OTOG: variants seen among roughly 807,000 people sequenced by gnomAD.
OTOG encodes the protein otogelin.
In OTOG, 296 loss-of-function variants were observed where a neutral mutation model predicts 313.8. The observed-to-expected ratio is 0.94, with a 90% CI of 0.86 to 1.04. OTOG has a LOEUF of 1.04. Among genes scored for constraint, OTOG ranks in the 50% least tolerant of loss-of-function variants. The probability of loss-of-function intolerance (pLI) is 0.00; values close to 1 mark genes in which losing one functional copy is unlikely to be tolerated. For missense variants in OTOG, 3,948 were observed against 3,840.1 expected, an observed-to-expected ratio of 1.03 and a Z score of -0.74; for synonymous variants, 1,533 against 1,554.9, an observed-to-expected ratio of 0.99 and a Z score of 0.33.
In OTOG at chr11:17,640,805, G is replaced by A. The variant is rs767800676; in HGVS notation, c.7996G>A (p.Ala2666Thr). Residue 2666 changes from alanine to threonine, a missense_variant, in exon 50 of 56, where the codon GCC becomes ACC. Transcript: ENST00000399397. ...CAGCGTGGAGAATGTGTGTGGCTGC[G>A]CCAAGTACGAGTGTGGTGAGTGGGG... ...MHSVENVCGC[A>T]KYECVKAPVC... is the part of the protein sequence containing the mutation. 4.5e-6 allele frequency: 7 copies of A among 1,550,166 alleles called. No homozygotes were observed. Among genetic ancestry groups the A allele is most frequent in the Middle Eastern group, 3.3e-4 (2 of 6,016 alleles).
chr11:17,608,100 C>G (rs1427545286), intron 33 of OTOG, among the ~76,000 whole-genome samples, 196 bp from the exon 34 acceptor site: 2 of 152,136 alleles, frequency 1.3e-5, no homozygotes, highest in African/African-American at 4.8e-5. Context: ...GCTCCCAGAG[C>G]CCCGTCCCCA....
In OTOG at chr11:17,611,542, C is replaced by T. The variant is rs150041935; in HGVS notation, c.6123+119C>T. 8.5e-3 allele frequency: 9,554 copies of T among 1,117,556 alleles called. 265 individuals carry two copies. Among genetic ancestry groups the T allele is most frequent in the South Asian group, 0.081 (4,810 of 59,574 alleles). The allele number at this position is 1,117,556 out of a possible 1,614,324, so 69.2% of individuals were successfully genotyped here. Reference sequence around the variant, plus strand: ...CATACCTGCCCCATGCTCCTGGTCCCTGAAAAATTCTTCAGTCTCCTATTG... The same window carrying T: ...CATACCTGCCCCATGCTCCTGGTCCTTGAAAAATTCTTCAGTCTCCTATTG... On this transcript the variant is annotated intron_variant, in intron 36 of 55. Transcript: ENST00000399397.
chr11:17,616,589 A>C (rs1251746502), intron 39 of OTOG, among the ~76,000 whole-genome samples: 1 of 152,084 alleles, frequency 6.6e-6, no homozygotes, highest in African/African-American at 2.4e-5. Flanking sequence ...AGGATCCTAT[A>C]CATATTTGAT....
intron 32 of OTOG, 146 bp from the exon 33 acceptor site, chr11:17,605,711 G>A: frequency 2.3e-6 from 2 of 861,602 alleles, no homozygotes; most frequent in South Asian, 4.0e-5. Context: ...AGGTGGGCTG[G>A]GGGCTGGTGT....
At chr11:17,575,634 C>T (rs1005493538) in intron 20 of OTOG, among the ~76,000 whole-genome samples, 14 of 152,154 alleles carry the variant, frequency 9.2e-5, no homozygotes, top group African/African-American at 7.2e-5. Context: ...TCTGTTTCTC[C>T]GTCTGTAAAA....
At chr11:17,585,947 G>C (rs1304741214) in intron 23 of OTOG, among the ~76,000 whole-genome samples, 1 of 152,238 alleles carries the variant, frequency 6.6e-6, no homozygotes, top group Non-Finnish European at 1.5e-5. Context: ...GCCCCAGGCT[G>C]TATCCTGTTG....
chr11:17,574,890 C>G lies in OTOG; in HGVS notation c.2464C>G (p.Gln822Glu). Reference sequence around the variant, plus strand: ...CCCACCGGACACCTATCTGGACACCCAGGCTGACCTCTGTGTCCCCCGGTG... The same window carrying G: ...CCCACCGGACACCTATCTGGACACCGAGGCTGACCTCTGTGTCCCCCGGTG... ...ACPPDTYLDT[Q>E]ADLCVPRNQC... The change falls in exon 20 of 56, where the codon CAG (glutamine) becomes GAG (glutamate). Residue 822 changes from glutamine to glutamate, a missense_variant. Physicochemically the swap from Gln to Glu is conservative, Grantham distance 29. Transcript: ENST00000399397. 6.5e-7 allele frequency: 1 copy of G among 1,526,784 alleles called. No individual in the cohort carries two copies. The highest frequency in any genetic ancestry group is 1.2e-5 in the South Asian group (1 of 80,228). The allele number at this position is 1,526,784 out of a possible 1,614,324, so 94.6% of individuals were successfully genotyped here.
chr11:17,596,943 C>T lies in OTOG; in HGVS notation c.3618C>T (p.Ser1206=), dbSNP rs143393149. ...GTGAGTGCTTCTGTGCCAGCGTCTC[C>T]GCTTATGCCCACCAGTGTTGCCAGC... ...GDCECFCASV[S]AYAHQCCQHG... is the part of the protein sequence containing the mutation. The change falls in exon 30 of 56, where the codon TCC becomes TCT. Residue 1206 remains serine, a synonymous_variant. Coordinates refer to ENST00000399397, the MANE Select transcript of OTOG (RefSeq NM_001292063.2). 1.4e-3 allele frequency: 2,161 copies of T among 1,550,718 alleles called. 32 individuals are homozygous for T. The East Asian group carries it at 0.037, about 27-fold the overall frequency.
chr11:17,616,618 T>C (rs1322588524), intron 39 of OTOG, among the ~76,000 whole-genome samples: 1 of 152,150 alleles, frequency 6.6e-6, no homozygotes, highest in East Asian at 1.9e-4. Context: ...TCCTAAGTAG[T>C]TTATATTTTT....
At position 17,594,097 on chromosome 11, in the gene OTOG, G is replaced by C; in HGVS notation, c.3339G>C (p.Glu1113Asp). 6.4e-7 allele frequency: 1 copy of C among 1,550,584 alleles called. No homozygotes were observed. The highest frequency in any genetic ancestry group is 8.7e-7 in the Non-Finnish European group (1 of 1,147,006). The stretch of plus-strand genomic sequence containing the variant: ...ACTTTGACTTAAAAACCATCAATGA[G>C]ATGAGGACCCCGGAGAACCTAGAGC... ...CGNFDLKTIN[E>D]MRTPENLELT... is the part of the protein sequence containing the mutation. The change falls in exon 28 of 56, where the codon GAG becomes GAC. Residue 1113 changes from glutamate to aspartate, a missense_variant. Physicochemically the swap from Glu to Asp is conservative, Grantham distance 45 (BLOSUM62 2). Transcript: ENST00000399397.
In OTOG at chr11:17,634,123, C is replaced by A. The variant is rs1285089414; in HGVS notation, c.7322C>A (p.Ser2441Tyr). Residue 2441 changes from serine (S) to tyrosine (Y), a missense_variant, in exon 44 of 56, where the codon TCC becomes TAC. Physicochemically the swap from Ser to Tyr is moderately radical, Grantham distance 144. Coordinates refer to ENST00000399397, the MANE Select transcript of OTOG (RefSeq NM_001292063.2). ...GCCCTGGGGGAGACCTGGAACAGCT[C>A]CCTCAGCGGCTGCTGCCAGCACCAG... ...PRALGETWNSSLSGCCQHQCQ... is the reference protein window; with the variant it reads ...PRALGETWNSYLSGCCQHQCQ... 1.3e-6 allele frequency: 2 copies of A among 1,549,116 alleles called. No individual in the cohort carries two copies. The highest frequency in any genetic ancestry group is 1.7e-6 in the Non-Finnish European group (2 of 1,146,950).
intron 31 of OTOG, among the ~76,000 whole-genome samples, chr11:17,600,678 C>T (rs544048675): frequency 4.6e-5 from 7 of 152,326 alleles, no homozygotes; most frequent in African/African-American, 1.7e-4. Context: ...CCCAGACCTT[C>T]AATTGGTAAA....
chr11:17,634,498 C>G (rs571599048), intron 44 of OTOG, among the ~76,000 whole-genome samples: 1 of 152,038 alleles, frequency 6.6e-6, no homozygotes, highest in Admixed American at 6.5e-5. Context: ...CCTGGCCACT[C>G]TTCCTCCCCC....
At chr11:17,576,018 A>G (rs949135070) in intron 20 of OTOG, among the ~76,000 whole-genome samples, 1 of 152,212 alleles carries the variant, frequency 6.6e-6, no homozygotes, top group African/African-American at 2.4e-5. Context: ...AAGACAGCAT[A>G]AGAATCCCTA....
chr11:17,578,674 A>G (rs1468305662), intron 23 of OTOG, 148 bp downstream of exon 23: 3 of 1,088,994 alleles, frequency 2.8e-6, no homozygotes, highest in Non-Finnish European at 3.8e-6. Flanking sequence ...ATGGCCAGAG[A>G]GGAGTCTGGG....
intron 15 of OTOG, among the ~76,000 whole-genome samples, chr11:17,568,936 T>C (rs1852348042): frequency 6.6e-6 from 1 of 152,226 alleles, no homozygotes; most frequent in African/African-American, 2.4e-5. Context: ...ATTAGTGTTA[T>C]CGCATTCTGC....
chr11:17,562,237 C>CAAAAAAAA (rs759962274), intron 15 of OTOG, among the ~76,000 whole-genome samples: 3 of 62,682 alleles, frequency 4.8e-5, no homozygotes, highest in Non-Finnish European at 8.0e-5. Context: ...GACTCCGTCT[C>CAAAAAAAA]AAAAAAAAAA....
At position 17,608,344 on chromosome 11, in the gene OTOG, A is replaced by G. The variant is rs1205009471; in HGVS notation, c.4205A>G (p.Asp1402Gly). The G allele has an allele frequency of 1.3e-6, 2 of 1,547,272 alleles. No individual in the cohort carries two copies. The highest frequency in any genetic ancestry group is 1.7e-6 in the Non-Finnish European group (2 of 1,145,792). ...TACCCCATCTGCGAGTGGCGCTACGATGCCTGTGCCAGCCCCTGCTTCCAA... is the reference window on the plus strand; with the variant it reads ...TACCCCATCTGCGAGTGGCGCTACGGTGCCTGTGCCAGCCCCTGCTTCCAA... ...AAYPICEWRY[D>G]ACASPCFQTC... is the part of the protein sequence containing the mutation. The change falls in exon 34 of 56, where the codon GAT becomes GGT. Residue 1402 changes from aspartate (D) to glycine (G), a missense_variant. By Grantham distance (94) the Asp-to-Gly change is moderately conservative. Coordinates refer to ENST00000399397, the MANE Select transcript of OTOG (RefSeq NM_001292063.2).
chr11:17,591,307 G>A, intron 24 of OTOG, 143 bp from the exon 25 acceptor site: 1 of 1,155,654 alleles, frequency 8.7e-7, no homozygotes, highest in Non-Finnish European at 1.2e-6. Flanking sequence ...CTGCCCTCCA[G>A]GCTCCTGTTA....
Sources: allele counts gnomAD v4.1 joint callset (sites outside exome capture counted in the v4.1 genomes callset), GRCh38; gene constraint gnomAD v4.1.1; transcripts MANE v1.5; gene names NCBI Gene and HGNC (gene_info 2026-07-23, HGNC 2026-07-21).